The following ADAMTS7 variants were observed in gnomAD, a reference collection of about 807,000 sequenced individuals.
ADAMTS7 encodes ADAM metallopeptidase with thrombospondin type 1 motif 7, also known as A disintegrin and metalloproteinase with thrombospondin motifs 7.
Under a neutral mutation model 172.6 loss-of-function variants are expected in ADAMTS7, and 89 were observed. The observed-to-expected ratio is 0.52, with a 90% CI of 0.43 to 0.61. ADAMTS7 has a LOEUF of 0.61. ADAMTS7 is among the 20% of genes least tolerant of loss of function. The pLI is 0.00. For synonymous variants in ADAMTS7, 885 were observed against 978.4 expected (o/e 0.90, Z 1.78); for missense variants, 1,973 against 2,355.6 (o/e 0.84, Z 3.36).
chr15:78,769,453 C>T (rs539895169), intron 16 of ADAMTS7, among the ~76,000 whole-genome samples: 9 of 152,302 alleles, frequency 5.9e-5, no homozygotes, highest in South Asian at 2.1e-4. Context: ...ACCCCACTGC[C>T]GCTCCCTTGC....
At chr15:78,776,722 A>G in intron 10 of ADAMTS7, 27 bp downstream of exon 10, 2 of 1,538,808 alleles carry the variant, frequency 1.3e-6, no homozygotes, top group Non-Finnish European at 1.8e-6. Flanking sequence ...TCACACACCC[A>G]CTGCCGGGAC....
chr15:78,811,086 C>T, intron 1 of ADAMTS7, 35 bp downstream of exon 1: 1 of 1,229,470 alleles, frequency 8.1e-7, no homozygotes, highest in Non-Finnish European at 1.0e-6. Context: ...GAAGGGGTGG[C>T]AGGCCCGGCT....
At position 78,771,602 on chromosome 15, in the gene ADAMTS7, C is replaced by T; in HGVS notation, c.2359G>A (p.Glu787Lys). The stretch of plus-strand genomic sequence containing the variant: ...GCAGGCACCTGGATCCAGACAGGCT[C>T]CTTGGTGGGACCCGGGGACGTGAGG... ...ENLTSPGPTKEPVWIQLLFQE... is the reference protein window; with the variant it reads ...ENLTSPGPTKKPVWIQLLFQE... The change falls in exon 15 of 24, where the codon GAG becomes AAG. Residue 787 changes from glutamate to lysine, a missense_variant. Glu to Lys is a moderately conservative substitution (Grantham distance 56). Coordinates refer to ENST00000388820, the MANE Select transcript of ADAMTS7 (RefSeq NM_014272.5). This position sits in a 1 kb window ranked among gnomAD's most constrained non-coding sequence, Gnocchi z 4.9. 6 of 1,599,724 alleles carry T rather than the reference C, an allele frequency of 3.8e-6. No individual in the cohort carries two copies. Among genetic ancestry groups the T allele is most frequent in the Non-Finnish European group, 5.1e-6 (6 of 1,178,448 alleles).
intron 1 of ADAMTS7, among the ~76,000 whole-genome samples, chr15:78,807,090 A>G (rs2055807237): frequency 6.6e-6 from 1 of 152,194 alleles, no homozygotes; most frequent in Admixed American, 6.5e-5. Flanking sequence ...TTAAGTGAGT[A>G]TTAACGTTGG....
chr15:78,789,892 C>T, intron 6 of ADAMTS7, 54 bp from the exon 7 acceptor site: 2 of 1,536,866 alleles, frequency 1.3e-6, no homozygotes, highest in Non-Finnish European at 8.8e-7. Context: ...GCCAGGCCCA[C>T]CTGAGCTAAG....
chr15:78,784,424 AG>A (rs2055474693), intron 8 of ADAMTS7, among the ~76,000 whole-genome samples: 1 of 75,620 alleles, frequency 1.3e-5, no homozygotes, highest in African/African-American at 5.0e-5. Flanking sequence ...GGAGGGAGGG[AG>A]GGAGGGAGGA....
At chr15:78,767,328 T>C (rs1809423) in intron 18 of ADAMTS7, 51 bp downstream of exon 18, 622,470 of 1,592,968 alleles carry the variant, frequency 0.39, 127,077 homozygotes, top group Non-Finnish European at 0.43. Context: ...TCCCTGTAGC[T>C]GAAGACCAAG....
intron 4 of ADAMTS7, among the ~76,000 whole-genome samples, chr15:78,793,903 C>A (rs1231004364): frequency 2.0e-5 from 3 of 152,234 alleles, no homozygotes; most frequent in Non-Finnish European, 4.4e-5. Flanking sequence ...AGCTGTACCA[C>A]TTACTAGCTG....
intron 8 of ADAMTS7, among the ~76,000 whole-genome samples, chr15:78,778,801 A>AGG (rs1033059651): frequency 6.6e-6 from 1 of 151,826 alleles, no homozygotes; most frequent in Non-Finnish European, 1.5e-5. Flanking sequence ...TGGGACAGGC[A>AGG]GGGGGTTGCA....
At chr15:78,793,352 CT>C (rs55739451) in intron 4 of ADAMTS7, among the ~76,000 whole-genome samples, 44,285 of 144,596 alleles carry the variant, frequency 0.31, 7,533 homozygotes, top group Non-Finnish European at 0.43. Flanking sequence ...TCTGTTTTAC[CT>C]TTTTTTTTTT....
At chr15:78,789,112 C>T (rs1369155663) in intron 7 of ADAMTS7, among the ~76,000 whole-genome samples, 1 of 152,250 alleles carries the variant, frequency 6.6e-6, no homozygotes, top group Non-Finnish European at 1.5e-5. Flanking sequence ...ACCCACAGAA[C>T]GTTCTGGGAG....
At chr15:78,806,143 A>C (rs1425756717) in intron 1 of ADAMTS7, among the ~76,000 whole-genome samples, 139 of 144,036 alleles carry the variant, frequency 9.7e-4, no homozygotes, top group African/African-American at 3.1e-3. Context: ...AAAAAAAAAA[A>C]AAAAAAAAAA....
At chr15:78,786,505 G>A (rs2141504011) in intron 8 of ADAMTS7, among the ~76,000 whole-genome samples, 1 of 152,268 alleles carries the variant, frequency 6.6e-6, no homozygotes, top group Non-Finnish European at 1.5e-5. Context: ...TTCAAATGCA[G>A]AAAGAAGACA....
chr15:78,779,696 G>A (rs990485971), intron 8 of ADAMTS7, among the ~76,000 whole-genome samples: 4 of 152,128 alleles, frequency 2.6e-5, no homozygotes, highest in African/African-American at 7.2e-5. Flanking sequence ...TCTGTGGCTC[G>A]AGGAGGTAGA....
intron 8 of ADAMTS7, among the ~76,000 whole-genome samples, chr15:78,780,612 C>T (rs1274921711): frequency 4.0e-5 from 6 of 151,894 alleles, no homozygotes; most frequent in Non-Finnish European, 7.4e-5. Context: ...CCTGTCAGTC[C>T]GGAAAGGTTC....
chr15:78,783,309 G>C (rs1283496512), intron 8 of ADAMTS7, among the ~76,000 whole-genome samples: 1 of 152,172 alleles, frequency 6.6e-6, no homozygotes, highest in Non-Finnish European at 1.5e-5. Flanking sequence ...TCTCTCTGTT[G>C]CCCAGGCTGG....
At chr15:78,786,176 T>C (rs11072805) in intron 8 of ADAMTS7, among the ~76,000 whole-genome samples, 47,812 of 150,886 alleles carry the variant, frequency 0.32, 8,736 homozygotes, top group Non-Finnish European at 0.43. Context: ...GTGATCCACC[T>C]GCCTCAGCCT....
intron 23 of ADAMTS7, chr15:78,762,118 C>T: frequency 2.1e-6 from 2 of 973,546 alleles, no homozygotes; most frequent in East Asian, 1.1e-4. Context: ...CAGGTTCACA[C>T]AGCAAATCAG....
chr15:78,785,840 T>C (rs1199149601), intron 8 of ADAMTS7, among the ~76,000 whole-genome samples: 1 of 151,804 alleles, frequency 6.6e-6, no homozygotes, highest in Non-Finnish European at 1.5e-5. Flanking sequence ...CTAACAATGT[T>C]AAGTTTGAAG....
Sources: gnomAD v4.1 joint callset for allele counts (sites outside exome capture counted in the v4.1 genomes callset) on GRCh38, gnomAD v4.1.1 for gene constraint, Gnocchi (gnomAD v3.1) non-coding constraint, MANE v1.5 for transcripts, NCBI Gene and HGNC (gene_info 2026-07-23, HGNC 2026-07-21) for gene names.